The following DRC11 variants were observed in gnomAD, a reference collection of about 807,000 sequenced individuals.
The protein encoded by DRC11 is IQ and AAA domain-containing protein 1.
At chr2:236,363,893 G>A in the DRC11 span, 4 of 1,613,826 alleles carry the variant, frequency 2.5e-6, no homozygotes, top group Admixed American at 1.7e-5. This position sits in a 1 kb window ranked among gnomAD's most constrained non-coding sequence, Gnocchi z 5.6. Flanking sequence ...CAGATGGCAT[G>A]GACCAGCATT....
chr2:236,430,470 T>A, the DRC11 span, among the ~76,000 whole-genome samples: 1 of 152,226 alleles, frequency 6.6e-6, no homozygotes. This position sits in a 1 kb window ranked among gnomAD's most constrained non-coding sequence, Gnocchi z 6.0. Flanking sequence ...TCTGCGTTTT[T>A]CACCTAATAA....
At chr2:236,475,953 A>T in the DRC11 span, among the ~76,000 whole-genome samples, 1 of 152,236 alleles carries the variant, frequency 6.6e-6, no homozygotes, top group East Asian at 1.9e-4. This position sits in a 1 kb window ranked among gnomAD's most constrained non-coding sequence, Gnocchi z 4.8. Context: ...GGCCAGTATC[A>T]TGCTGTTTTG....
At chr2:236,357,937 AAT>A in the DRC11 span, among the ~76,000 whole-genome samples, 20,220 of 114,348 alleles carry the variant, frequency 0.18, 2,033 homozygotes, top group Non-Finnish European at 0.22. Flanking sequence ...TTCATATATG[AAT>A]ATATAATATA....
chr2:236,341,723 C>T, the DRC11 span, among the ~76,000 whole-genome samples: 9 of 152,296 alleles, frequency 5.9e-5, no homozygotes, highest in African/African-American at 9.6e-5. Context: ...TGGTGGTTTC[C>T]CCCCCATGTC....
chr2:236,412,299 G>GCTGGATTTCTTC, the DRC11 span, among the ~76,000 whole-genome samples: 2 of 152,188 alleles, frequency 1.3e-5, no homozygotes, highest in South Asian at 4.1e-4. Context: ...AGTTCATGGT[G>GCTGGATTTCTTC]CTGGATTTCT....
At chr2:236,503,395 T>A in the DRC11 span, among the ~76,000 whole-genome samples, 1 of 152,184 alleles carries the variant, frequency 6.6e-6, no homozygotes, top group African/African-American at 2.4e-5. The surrounding 1 kb of genome is among the most constrained non-coding windows in gnomAD (Gnocchi z 4.9). Context: ...GAGCCCTCAT[T>A]GGCTTCAGTT....
the DRC11 span, among the ~76,000 whole-genome samples, chr2:236,420,707 G>C: frequency 1.3e-5 from 2 of 152,168 alleles, no homozygotes; most frequent in Non-Finnish European, 2.9e-5. This position sits in a 1 kb window ranked among gnomAD's most constrained non-coding sequence, Gnocchi z 4.8. Context: ...CTATCTGGGA[G>C]GCTGAGGTGG....
chr2:236,331,780 A>G, the DRC11 span: 2 of 593,038 alleles, frequency 3.4e-6, no homozygotes, highest in East Asian at 5.6e-5. The surrounding 1 kb of genome is among the most constrained non-coding windows in gnomAD (Gnocchi z 4.8). Flanking sequence ...AGAATTTTCA[A>G]CCATAAGCCA....
chr2:236,497,553 G>C, the DRC11 span: 1 of 1,195,160 alleles, frequency 8.4e-7, no homozygotes, highest in Non-Finnish European at 1.2e-6. This position sits in a 1 kb window ranked among gnomAD's most constrained non-coding sequence, Gnocchi z 5.1. Flanking sequence ...CATAAACATC[G>C]GGCCTCTGGT....
chr2:236,318,792 T>C, the DRC11 span, among the ~76,000 whole-genome samples: 7 of 152,120 alleles, frequency 4.6e-5, no homozygotes, highest in Non-Finnish European at 8.8e-5. This position sits in a 1 kb window ranked among gnomAD's most constrained non-coding sequence, Gnocchi z 7.0. Context: ...CCAAGGTCAC[T>C]CAGAAGGTTT....
At chr2:236,450,314 CTTTTTTTTTTT>C in the DRC11 span, among the ~76,000 whole-genome samples, 152 of 82,384 alleles carry the variant, frequency 1.8e-3, 1 homozygote, top group Non-Finnish European at 3.1e-3. Flanking sequence ...CTTTTCTTTT[CTTTTTTTTTTT>C]TTTTTTTTTT....
the DRC11 span, among the ~76,000 whole-genome samples, chr2:236,453,192 G>T: frequency 6.6e-6 from 1 of 152,102 alleles, no homozygotes; most frequent in Non-Finnish European, 1.5e-5. This position sits in a 1 kb window ranked among gnomAD's most constrained non-coding sequence, Gnocchi z 4.9. Context: ...ATAGGAGAAA[G>T]GTTAGCAAAA....
the DRC11 span, among the ~76,000 whole-genome samples, chr2:236,466,998 C>T: frequency 6.6e-6 from 1 of 152,136 alleles, no homozygotes; most frequent in Non-Finnish European, 1.5e-5. Flanking sequence ...TGGTAGTTCC[C>T]TTGAGGAATT....
At chr2:236,504,869 C>T in the DRC11 span, among the ~76,000 whole-genome samples, 1 of 152,164 alleles carries the variant, frequency 6.6e-6, no homozygotes, top group Admixed American at 6.5e-5. The surrounding 1 kb of genome is among the most constrained non-coding windows in gnomAD (Gnocchi z 5.0). Flanking sequence ...TTTGACTTCA[C>T]CTGCTGTCAT....
the DRC11 span, among the ~76,000 whole-genome samples, chr2:236,489,586 T>C: frequency 2.0e-5 from 3 of 152,030 alleles, no homozygotes; most frequent in Non-Finnish European, 4.4e-5. Flanking sequence ...GGGGTGTCCA[T>C]GCATGGATGG....
At chr2:236,457,344 C>T in the DRC11 span, among the ~76,000 whole-genome samples, 1 of 152,210 alleles carries the variant, frequency 6.6e-6, no homozygotes, top group Non-Finnish European at 1.5e-5. The surrounding 1 kb of genome is among the most constrained non-coding windows in gnomAD (Gnocchi z 4.7). Flanking sequence ...GCTACCACAC[C>T]AGACACTGAA....
chr2:236,493,745 G>T, the DRC11 span: 1 of 1,555,748 alleles, frequency 6.4e-7, no homozygotes, highest in Non-Finnish European at 8.7e-7. Context: ...ATGGATTAAT[G>T]TTTGTTAAAA....
At chr2:236,428,407 A>G in the DRC11 span, among the ~76,000 whole-genome samples, 157 of 152,188 alleles carry the variant, frequency 1.0e-3, 3 homozygotes, top group East Asian at 0.021. Flanking sequence ...TTTCATATTT[A>G]TATGCTCTGA....
chr2:236,438,617 C>A, the DRC11 span, among the ~76,000 whole-genome samples: 84 of 151,922 alleles, frequency 5.5e-4, no homozygotes, highest in Non-Finnish European at 1.2e-3. Flanking sequence ...CTTTTATTTC[C>A]TTGAGCAGTG....
Sources: gnomAD v4.1 joint callset for allele counts (sites outside exome capture counted in the v4.1 genomes callset) on GRCh38, gnomAD v4.1.1 for gene constraint, Gnocchi (gnomAD v3.1) non-coding constraint, MANE v1.5 for transcripts, NCBI Gene and HGNC (gene_info 2026-07-23, HGNC 2026-07-21) for gene names.